ANKRD33B: variants seen among roughly 807,000 people sequenced by gnomAD.
ANKRD33B encodes ankyrin repeat domain-containing protein 33B.
ANKRD33B carries 6 observed loss-of-function variants against 21.5 expected under a neutral mutation model. The observed-to-expected ratio is 0.28, with a 90% CI of 0.15 to 0.55. The LOEUF is 0.55. Among genes scored for constraint, ANKRD33B ranks in the 20% least tolerant of loss-of-function variants. ANKRD33B has a pLI of 0.94. For missense variants in ANKRD33B, 698 were observed against 747.2 expected, an observed-to-expected ratio of 0.93 and a Z score of 0.77; for synonymous variants, 347 against 342.4, an observed-to-expected ratio of 1.01 and a Z score of -0.15.
At chr5:10,643,353 A>G (rs183980297) in intron 3 of ANKRD33B, among the ~76,000 whole-genome samples, 10 of 152,238 alleles carry the variant, frequency 6.6e-5, no homozygotes, top group South Asian at 2.1e-4. Context: ...ACAACCAAAA[A>G]TGTCTCTAGA....
chr5:10,634,475 T>TTC (rs1231093777), intron 2 of ANKRD33B, among the ~76,000 whole-genome samples: 3 of 151,518 alleles, frequency 2.0e-5, no homozygotes, highest in Non-Finnish European at 4.4e-5. Context: ...CTTTTTTTTT[T>TTC]TTGAGACAGG....
chr5:10,602,854 C>T (rs900091472), intron 1 of ANKRD33B, among the ~76,000 whole-genome samples: 11 of 151,518 alleles, frequency 7.3e-5, no homozygotes, highest in Middle Eastern at 3.4e-3. Context: ...AGTCTGTCAC[C>T]CAGGTTGGAG....
chr5:10,642,464 G>C (rs941023278), intron 3 of ANKRD33B, among the ~76,000 whole-genome samples: 1 of 152,148 alleles, frequency 6.6e-6, no homozygotes, highest in Non-Finnish European at 1.5e-5. Flanking sequence ...TACAGAGCAG[G>C]AGCTGAACAG....
chr5:10,643,789 C>T (rs1737120549), intron 3 of ANKRD33B, among the ~76,000 whole-genome samples: 1 of 136,682 alleles, frequency 7.3e-6, no homozygotes. Context: ...CACTGTATTC[C>T]AGCCTAGGCA....
chr5:10,633,427 TG>T (rs1560982116), intron 2 of ANKRD33B, among the ~76,000 whole-genome samples: 10 of 51,486 alleles, frequency 1.9e-4, no homozygotes, highest in Admixed American at 1.4e-3. Context: ...AATAAACTTT[TG>T]ATTTGAGAAT....
At chr5:10,589,630 A>G (rs1381381569) in intron 1 of ANKRD33B, among the ~76,000 whole-genome samples, 1 of 152,166 alleles carries the variant, frequency 6.6e-6, no homozygotes, top group African/African-American at 2.4e-5. Context: ...TAATTTACCA[A>G]TTCCTTTGTC....
intron 3 of ANKRD33B, among the ~76,000 whole-genome samples, chr5:10,643,713 G>A (rs1036913194): frequency 6.6e-6 from 1 of 151,890 alleles, no homozygotes; most frequent in East Asian, 1.9e-4. Flanking sequence ...CCAGCCACTC[G>A]GGAGGCTGAG....
intron 3 of ANKRD33B, among the ~76,000 whole-genome samples, chr5:10,640,889 T>C (rs994596320): frequency 3.3e-5 from 5 of 152,252 alleles, no homozygotes; most frequent in Admixed American, 1.3e-4. Flanking sequence ...CTGTCTCCTC[T>C]CATGGCAGAG....
Position 10,564,137 on chromosome 5 carries a change from T to C in ANKRD33B, c.-331T>C, listed in dbSNP as rs1244703398. On this transcript the variant is annotated 5_prime_UTR_variant, in exon 1 of 4. Coordinates refer to ENST00000296657, the MANE Select transcript of ANKRD33B (RefSeq NM_001164440.2). ...TGGGGCAACGCTGCCAGGTGCCCAG[T>C]CCCCGCGCTCGAGAGAGCGCCTGCC... Among the ~76,000 whole-genome samples the C allele has an allele frequency of 6.6e-6, 1 of 151,842 alleles. No individual in the cohort carries two copies. The highest frequency in any genetic ancestry group is 1.5e-5 in the Non-Finnish European group (1 of 67,940).
At chr5:10,645,634 C>T (rs1269142751) in intron 3 of ANKRD33B, among the ~76,000 whole-genome samples, 1 of 152,192 alleles carries the variant, frequency 6.6e-6, no homozygotes, top group African/African-American at 2.4e-5. Flanking sequence ...TCCTCCTGTC[C>T]ATTTGGCTCC....
At chr5:10,590,032 A>G (rs1414121501) in intron 1 of ANKRD33B, among the ~76,000 whole-genome samples, 1 of 151,110 alleles carries the variant, frequency 6.6e-6, no homozygotes, top group African/African-American at 2.4e-5. Flanking sequence ...CTAATCTACT[A>G]TTTAATTGCT....
At chr5:10,592,073 GGTGTGTGT>G (rs55668434) in intron 1 of ANKRD33B, among the ~76,000 whole-genome samples, 10 of 149,986 alleles carry the variant, frequency 6.7e-5, no homozygotes, top group Non-Finnish European at 8.9e-5. Context: ...TTGATTTTAT[GGTGTGTGT>G]GTGTGTGTGT....
intron 1 of ANKRD33B, among the ~76,000 whole-genome samples, chr5:10,605,765 G>A (rs1477918842): frequency 6.6e-6 from 1 of 152,164 alleles, no homozygotes; most frequent in East Asian, 1.9e-4. Context: ...CTGACCTCAG[G>A]TGATCCGCCT....
intron 1 of ANKRD33B, among the ~76,000 whole-genome samples, chr5:10,579,623 G>A (rs1416538332): frequency 2.6e-5 from 4 of 151,926 alleles, no homozygotes; most frequent in Admixed American, 2.6e-4. Flanking sequence ...AAAAATTGAT[G>A]GGATTCTATC....
At chr5:10,564,946 C>A in intron 1 of ANKRD33B, 113 bp downstream of exon 1, 1 of 1,357,246 alleles carries the variant, frequency 7.4e-7, no homozygotes, top group Non-Finnish European at 9.7e-7. Context: ...CTCGGTCACT[C>A]AGCCGCCGCC....
chr5:10,595,834 C>T (rs906840355), intron 1 of ANKRD33B, among the ~76,000 whole-genome samples: 1 of 152,236 alleles, frequency 6.6e-6, no homozygotes, highest in African/African-American at 2.4e-5. Flanking sequence ...CTGGAAATCT[C>T]TGTCCATCAT....
intron 1 of ANKRD33B, among the ~76,000 whole-genome samples, chr5:10,568,331 C>T (rs1195561906): frequency 1.3e-5 from 2 of 152,200 alleles, no homozygotes; most frequent in Non-Finnish European, 2.9e-5. Flanking sequence ...TTTCTTAATT[C>T]TTCTCTTCCA....
intron 1 of ANKRD33B, 144 bp downstream of exon 1, chr5:10,564,977 G>A (rs1219783526): frequency 5.8e-6 from 7 of 1,201,072 alleles, no homozygotes; most frequent in Non-Finnish European, 6.7e-6. Context: ...TTTCCCCGCT[G>A]TTTGGGAGCG....
At position 10,619,717 on chromosome 5, in the gene ANKRD33B, G is replaced by A. The variant is rs1736372704; in HGVS notation, c.496+1255G>A. ...GGCTTTGAAAACCTAGCAAGAGTGT[G>A]AAAGGGCTTTGTAAGGCATTCAGTG... is the stretch of plus-strand genomic sequence containing the variant. On this transcript the variant is annotated intron_variant, in intron 2 of 3. Transcript: ENST00000296657. This position sits in a 1 kb window ranked among gnomAD's most constrained non-coding sequence, Gnocchi z 4.5. Among the ~76,000 whole-genome samples the A allele has an allele frequency of 1.3e-5, 2 of 152,350 alleles. No homozygotes were observed. Among genetic ancestry groups the A allele is most frequent in the South Asian group, 4.1e-4 (2 of 4,826 alleles).
Sources: allele counts gnomAD v4.1 joint callset (sites outside exome capture counted in the v4.1 genomes callset), GRCh38; gene constraint gnomAD v4.1.1; non-coding constraint Gnocchi (gnomAD v3.1); transcripts MANE v1.5; gene names NCBI Gene and HGNC (gene_info 2026-07-23, HGNC 2026-07-21).